The following CELF5 variants were observed in gnomAD, a reference collection of about 807,000 sequenced individuals.
CELF5 encodes the protein CUGBP Elav-like family member 5.
Under a neutral mutation model 54.9 loss-of-function variants are expected in CELF5, and 6 were observed. The ratio of observed to expected loss-of-function variants is 0.11; its 90% CI spans 0.06 to 0.22. The LOEUF (loss-of-function observed/expected upper bound fraction) is 0.22. Among genes scored for constraint, CELF5 ranks in the 10% least tolerant of loss-of-function variants. The pLI is 1.00. For synonymous variants in CELF5, 271 were observed against 290.9 expected (o/e 0.93, Z 0.70); for missense variants, 401 against 678.6 (o/e 0.59, Z 4.54).
intron 2 of CELF5, chr19:3,270,559 C>CGCGGG (rs1271795344): frequency 2.0e-5 from 3 of 146,932 alleles, no homozygotes; most frequent in Non-Finnish European, 4.5e-5. Context: ...GGGCGCGCGG[C>CGCGGG]GCGGGGCCCG....
intron 1 of CELF5, among the ~76,000 whole-genome samples, chr19:3,244,565 A>G (rs2079536127): frequency 7.5e-6 from 1 of 132,492 alleles, no homozygotes; most frequent in Non-Finnish European, 1.6e-5. Flanking sequence ...ATTGCGTGTG[A>G]TGTGTGTGGT....
Position 3,273,914 on chromosome 19 carries a change from C to T in CELF5, c.385C>T (p.Arg129Cys), listed in dbSNP as rs1215384457. The T allele has an allele frequency of 5.0e-6, 8 of 1,613,606 alleles. No homozygotes were observed. Among genetic ancestry groups the T allele is most frequent in the Non-Finnish European group, 6.8e-6 (8 of 1,179,558 alleles). ...GGTGAAGCCTGCGGACAGTGAAAGC[C>T]GCGGAGGTAGTTGTCATCTCTCCGT... Reference protein sequence around the residue: ...IQVKPADSESRGGRDRKLFVG... With the variant: ...IQVKPADSESCGGRDRKLFVG... The change falls in exon 3 of 13, where the codon CGC becomes TGC. Residue 129 changes from arginine to cysteine, a missense_variant. By Grantham distance (180) the Arg-to-Cys change is radical (BLOSUM62 -3). Transcript: ENST00000292672.
At chr19:3,291,453 C>A (rs2080345945) in intron 11 of CELF5, among the ~76,000 whole-genome samples, 2 of 150,726 alleles carry the variant, frequency 1.3e-5, no homozygotes. Context: ...GTAATCCCAG[C>A]TACTTAGGAG....
Position 3,281,130 on chromosome 19 carries a change from A to G in CELF5, c.604-69A>G. On this transcript the variant is annotated intron_variant, in intron 5 of 12. Transcript: ENST00000292672. The surrounding 1 kb of genome is among the most constrained non-coding windows in gnomAD (Gnocchi z 6.5). Reference sequence around the variant, plus strand: ...ACCCAGGAGGCCTGAGCTAACATGAATCCAGGGACCCCAGAGTCCTGGCTA... The same window carrying G: ...ACCCAGGAGGCCTGAGCTAACATGAGTCCAGGGACCCCAGAGTCCTGGCTA... 6.4e-7 allele frequency: 1 copy of G among 1,553,396 alleles called. No homozygotes were observed. Among genetic ancestry groups the G allele is most frequent in the Non-Finnish European group, 8.7e-7 (1 of 1,144,646 alleles).
chr19:3,236,988 CAAA>C lies in CELF5; in HGVS notation c.259+12004_259+12006del, dbSNP rs59437366. On this transcript the variant is annotated intron_variant, in intron 1 of 12. Transcript: ENST00000292672. ...TGGACGACAGAGCAAGACTCCATCTCAAAAAAAAAAAAAAAAGTAAAGTAATAA... is the reference window on the plus strand; with the variant it reads ...TGGACGACAGAGCAAGACTCCATCTCAAAAAAAAAAAAAGTAAAGTAATAA... Among the ~76,000 whole-genome samples, 30 of 107,070 alleles carry C rather than the reference CAAA, an allele frequency of 2.8e-4. No individual in the cohort carries two copies. The South Asian group carries it at 4.3e-3, about 15-fold the overall frequency. The allele number at this position is 107,070 out of a possible 152,430, so 70.2% of individuals were successfully genotyped here. A position where few individuals can be genotyped will look rare whatever the true frequency, so the allele number is the denominator to read the frequency against.
chr19:3,290,090 C>A, intron 10 of CELF5, 141 bp from the exon 11 acceptor site: 1 of 631,336 alleles, frequency 1.6e-6, no homozygotes, highest in Non-Finnish European at 2.8e-6. Context: ...CGTGGCCAGG[C>A]CCCTTCTTTC....
intron 1 of CELF5, among the ~76,000 whole-genome samples, chr19:3,234,344 C>T (rs1917419451): frequency 6.6e-6 from 1 of 152,136 alleles, no homozygotes; most frequent in Non-Finnish European, 1.5e-5. Flanking sequence ...AGCAATCTTC[C>T]CGCCTTGGCC....
At chr19:3,261,185 C>G (rs972241375) in intron 2 of CELF5, among the ~76,000 whole-genome samples, 1 of 151,924 alleles carries the variant, frequency 6.6e-6, no homozygotes, top group Non-Finnish European at 1.5e-5. Flanking sequence ...TTTAGAAGGC[C>G]GAGGCAGGGG....
At position 3,271,885 on chromosome 19, in the gene CELF5, G is replaced by C. The variant is rs185727319; in HGVS notation, c.343-1987G>C. The stretch of plus-strand genomic sequence containing the variant: ...TTGGGGGTCCCAAAATGGGGAGGAG[G>C]CATTATTTATGGCAGTGGGTGGACA... On this transcript the variant is annotated intron_variant, in intron 2 of 12. Coordinates refer to ENST00000292672, the MANE Select transcript of CELF5 (RefSeq NM_021938.4). Among the ~76,000 whole-genome samples the C allele has an allele frequency of 7.9e-3, 1,208 of 152,208 alleles. 12 individuals carry two copies. Among genetic ancestry groups the C allele is most frequent in the Middle Eastern group, 0.051 (15 of 294 alleles).
intron 2 of CELF5, among the ~76,000 whole-genome samples, chr19:3,252,296 A>G (rs1489028027): frequency 6.6e-6 from 1 of 152,090 alleles, no homozygotes; most frequent in Non-Finnish European, 1.5e-5. Context: ...CGGCCTCCCA[A>G]AGTGCTGGGA....
intron 1 of CELF5, among the ~76,000 whole-genome samples, chr19:3,226,447 C>G (rs1916919510): frequency 6.9e-6 from 1 of 144,128 alleles, no homozygotes; most frequent in Non-Finnish European, 1.5e-5. Context: ...CCATCACACA[C>G]ACACACACAC....
chr19:3,272,138 T>C (rs376110848), intron 2 of CELF5, among the ~76,000 whole-genome samples: 61 of 152,122 alleles, frequency 4.0e-4, no homozygotes, highest in South Asian at 1.9e-3. Flanking sequence ...GAGGCTGAGG[T>C]GGGCGGATCA....
At chr19:3,261,890 C>G (rs986243520) in intron 2 of CELF5, among the ~76,000 whole-genome samples, 1 of 152,062 alleles carries the variant, frequency 6.6e-6, no homozygotes, top group South Asian at 2.1e-4. Context: ...CTGTTCTAGG[C>G]CAACACTATC....
intron 1 of CELF5, among the ~76,000 whole-genome samples, chr19:3,236,677 G>A (rs933022724): frequency 2.0e-5 from 3 of 152,094 alleles, no homozygotes; most frequent in Non-Finnish European, 4.4e-5. Context: ...GGCATGGCAG[G>A]GAGGGGAAGG....
intron 12 of CELF5, chr19:3,295,192 G>A (rs914682248): frequency 1.3e-5 from 2 of 152,178 alleles, no homozygotes; most frequent in Non-Finnish European, 2.9e-5. Context: ...CTGGAGTGGC[G>A]AGGGGCCTTT....
chr19:3,235,323 T>C (rs1291370732), intron 1 of CELF5, among the ~76,000 whole-genome samples: 2 of 151,970 alleles, frequency 1.3e-5, no homozygotes, highest in African/African-American at 2.4e-5. Flanking sequence ...CTTTTTTTTT[T>C]CCTGTGCAAA....
intron 1 of CELF5, among the ~76,000 whole-genome samples, chr19:3,240,381 A>G (rs2079474929): frequency 2.6e-5 from 4 of 151,238 alleles, no homozygotes; most frequent in Admixed American, 2.6e-4. Flanking sequence ...GCTGGAATGC[A>G]GTGGCATAAT....
chr19:3,286,303 G>A (rs2080247427), intron 10 of CELF5: 1 of 412,636 alleles, frequency 2.4e-6, no homozygotes. Flanking sequence ...TGATTCTCTG[G>A]ATTTTTTGGA....
At chr19:3,226,777 T>C (rs1217425119) in intron 1 of CELF5, among the ~76,000 whole-genome samples, 1 of 151,622 alleles carries the variant, frequency 6.6e-6, no homozygotes, top group Non-Finnish European at 1.5e-5. Flanking sequence ...CTTTTTTTTT[T>C]TTTCCTTCTT....
Sources: allele counts gnomAD v4.1 joint callset (sites outside exome capture counted in the v4.1 genomes callset), GRCh38; gene constraint gnomAD v4.1.1; non-coding constraint Gnocchi (gnomAD v3.1); transcripts MANE v1.5; gene names NCBI Gene and HGNC (gene_info 2026-07-23, HGNC 2026-07-21).